HR: variants seen among roughly 807,000 people sequenced by gnomAD.
HR encodes the protein HR lysine demethylase and nuclear receptor corepressor.
HR carries 83 observed loss-of-function variants against 128.6 expected under a neutral mutation model. The observed-to-expected ratio is 0.65, with a 90% CI of 0.54 to 0.77. The LOEUF (loss-of-function observed/expected upper bound fraction) is 0.77, where lower values mean the gene tolerates loss of function less well. Ranked by LOEUF, HR falls within the 30% of genes least tolerant of loss-of-function variation. The probability of loss-of-function intolerance (pLI) is 0.00; values close to 1 mark genes in which losing one functional copy is unlikely to be tolerated. For synonymous variants in HR, 681 were observed against 658.2 expected, an observed-to-expected ratio of 1.03 and a Z score of -0.53; for missense variants, 1,490 against 1,574.6, an observed-to-expected ratio of 0.95 and a Z score of 0.91.
chr8:22,128,489 G>T, intron 2 of HR, 70 bp downstream of exon 2: 1 of 1,590,908 alleles, frequency 6.3e-7, no homozygotes, highest in Non-Finnish European at 8.6e-7. Context: ...CAGTGGAAGG[G>T]CATCTTGGGG....
chr8:22,126,683 A>G (rs1280969151), intron 3 of HR, among the ~76,000 whole-genome samples: 1 of 152,216 alleles, frequency 6.6e-6, no homozygotes, highest in Non-Finnish European at 1.5e-5. Flanking sequence ...TCCCCATTTT[A>G]TAGATGAAGT....
chr8:22,118,512 C>T, intron 16 of HR: 1 of 185,878 alleles, frequency 5.4e-6, no homozygotes. Context: ...CTGCCTGCCT[C>T]CAGGAAGAGC....
intron 2 of HR, 171 bp from the exon 3 acceptor site, chr8:22,128,000 A>T: frequency 2.9e-6 from 2 of 700,896 alleles, no homozygotes; most frequent in Admixed American, 4.3e-5. Flanking sequence ...TGTCCTGGCA[A>T]CCCCCACCTC....
intron 1 of HR, among the ~76,000 whole-genome samples, chr8:22,129,949 G>T (rs1586389421): frequency 6.6e-6 from 1 of 152,228 alleles, no homozygotes; most frequent in East Asian, 1.9e-4. Context: ...GCCGGCACAG[G>T]GGAGGGGGAT....
intron 11 of HR, 31 bp downstream of exon 11, chr8:22,120,685 G>C (rs1197832157): frequency 6.6e-7 from 1 of 1,507,340 alleles, no homozygotes; most frequent in African/African-American, 1.4e-5. Flanking sequence ...GGGGTGGCCA[G>C]GGCCGGGAGG....
intron 9 of HR, 74 bp downstream of exon 9, chr8:22,121,539 A>T: frequency 6.7e-7 from 1 of 1,502,332 alleles, no homozygotes; most frequent in Non-Finnish European, 9.3e-7. Context: ...GACTTCCGCG[A>T]CTGTCCCCTC....
chr8:22,120,051 G>C, intron 13 of HR, 53 bp downstream of exon 13: 1 of 1,565,924 alleles, frequency 6.4e-7, no homozygotes, highest in South Asian at 1.2e-5. Context: ...GGCTGAACCA[G>C]GCGGGGCCTG....
At chr8:22,126,989 G>A (rs919804257) in intron 3 of HR, 48 bp downstream of exon 3, 52 of 893,178 alleles carry the variant, frequency 5.8e-5, no homozygotes, top group Non-Finnish European at 8.8e-5. Context: ...CCCCAGCCCC[G>A]GCTGCCCCCT....
intron 6 of HR, 32 bp downstream of exon 6, chr8:22,123,617 T>TTGGC: frequency 2.1e-5 from 6 of 292,092 alleles, no homozygotes; most frequent in Non-Finnish European, 3.7e-5. Context: ...GAGGGCTCCA[T>TTGGC]CCCGCCCTCC....
In HR at chr8:22,125,675, A is replaced by G; in HGVS notation, c.1463T>C (p.Leu488Pro). ...QDPGLQDIPC[L>P]ALPAKLAQCQ... is the part of the protein sequence containing the mutation. ...TTGAGCCAGTTTTGCAGGGAGAGCCAGGCATGGTATGTCCTGAAGTCCCGG... is the reference window on the plus strand; with the variant it reads ...TTGAGCCAGTTTTGCAGGGAGAGCCGGGCATGGTATGTCCTGAAGTCCCGG... The change falls in exon 4 of 19, where the codon CTG (leucine) becomes CCG (proline). Residue 488 changes from leucine to proline, a missense_variant. By Grantham distance (98) the Leu-to-Pro change is moderately conservative. Coordinates refer to ENST00000381418, the MANE Select transcript of HR (RefSeq NM_005144.5). 1 of 1,613,842 alleles carries G rather than the reference A, an allele frequency of 6.2e-7. No individual in the cohort carries two copies. Among genetic ancestry groups the G allele is most frequent in the Non-Finnish European group, 8.5e-7 (1 of 1,179,960 alleles).
chr8:22,120,663 C>G (rs968023413), intron 11 of HR, 53 bp downstream of exon 11: 3 of 1,525,024 alleles, frequency 2.0e-6, no homozygotes, highest in Non-Finnish European at 2.6e-6. Context: ...ACCAAGGCCC[C>G]GAGGGGCAGG....
In HR at chr8:22,128,594, G is replaced by T. The variant is rs1255045807; in HGVS notation, c.577C>A (p.Pro193Thr). 1 of 1,609,546 alleles carries T rather than the reference G, an allele frequency of 6.2e-7. No homozygotes were observed. Among genetic ancestry groups the T allele is most frequent in the South Asian group, 1.1e-5 (1 of 90,040 alleles). ...PHPWVYSGGQ[P>T]KVPSAFSLGS... ...AAGCTGAAGGCAGAGGGCACTTTGG[G>T]CTGGCCCCCGGAGTATACCCAGGGG... Residue 193 changes from proline (P) to threonine (T), a missense_variant, in exon 2 of 19, where the codon CCC becomes ACC. Around this residue, in one of 3 missense-constraint regions of HR, gnomAD observed 1,060 missense variants for 1,060.9 expected, o/e 1.00. Transcript: ENST00000381418.
At chr8:22,117,227 A>G (rs1390868617) in intron 16 of HR, 188 bp from the exon 17 acceptor site, 20 of 581,962 alleles carry the variant, frequency 3.4e-5, no homozygotes, top group African/African-American at 5.8e-5. Context: ...CAGAACACAC[A>G]TTTGGCTGGA....
chr8:22,128,727 C>A lies in HR; in HGVS notation c.444G>T (p.Glu148Asp). ...FRPWHCPFLL[E>D]TKILERAPFW... ...AGGGAGCTCGCTCCAGGATCTTGGTCTCCAGAAGGAAAGGGCAGTGCCAGG... is the reference window on the plus strand; with the variant it reads ...AGGGAGCTCGCTCCAGGATCTTGGTATCCAGAAGGAAAGGGCAGTGCCAGG... The change falls in exon 2 of 19, where the codon GAG (glutamate) becomes GAT (aspartate). Residue 148 changes from glutamate (E) to aspartate (D), a missense_variant. Around this residue, in one of 3 missense-constraint regions of HR, gnomAD observed 1,060 missense variants for 1,060.9 expected, o/e 1.00. Coordinates refer to ENST00000381418, the MANE Select transcript of HR (RefSeq NM_005144.5). The A allele has an allele frequency of 6.3e-7, 1 of 1,588,924 alleles. No homozygotes were observed.
chr8:22,121,813 T>C (rs1826762774), intron 8 of HR, 119 bp from the exon 9 acceptor site: 2 of 1,033,024 alleles, frequency 1.9e-6, no homozygotes, highest in Non-Finnish European at 3.0e-6. Context: ...ATCGTGTTTA[T>C]AGGAGCAAAA....
intron 2 of HR, chr8:22,128,247 T>A (rs1040460875): frequency 1.9e-5 from 10 of 535,098 alleles, no homozygotes; most frequent in Non-Finnish European, 3.0e-5. Flanking sequence ...AGGGCCCTTG[T>A]CTGCCCACCC....
rs11779694 is a variant in HR, at chr8:22,120,575, G to A, written c.2611-68C>T. 637,928 of 1,601,498 alleles carry A rather than the reference G, an allele frequency of 0.4. 130,420 individuals carry two copies. The highest frequency in any genetic ancestry group is 0.53 in the Middle Eastern group (2,760 of 5,210). On this transcript the variant is annotated intron_variant, in intron 11 of 18. Transcript: ENST00000381418. ...GTGCCCGCCATGGCCAGGCAAGGGC[G>A]TGTTGTAAGGGCAGTAGAACAGCTC...
chr8:22,129,385 G>T (rs1175526203), intron 1 of HR, among the ~76,000 whole-genome samples, 175 bp from the exon 2 acceptor site: 2 of 152,248 alleles, frequency 1.3e-5, no homozygotes, highest in Non-Finnish European at 2.9e-5. Context: ...GACACATCTT[G>T]CTCCTCCAGT....
chr8:22,123,616 A>AAC, intron 6 of HR, 33 bp downstream of exon 6: 5 of 562,346 alleles, frequency 8.9e-6, no homozygotes, highest in South Asian at 2.2e-5. Context: ...TGAGGGCTCC[A>AAC]TCCCGCCCTC....
Sources: allele counts gnomAD v4.1 joint callset (sites outside exome capture counted in the v4.1 genomes callset), GRCh38; gene constraint gnomAD v4.1.1; regional missense constraint gnomAD v4.1.1; transcripts MANE v1.5; gene names NCBI Gene and HGNC (gene_info 2026-07-23, HGNC 2026-07-21).